KANK1: variants seen among roughly 807,000 people sequenced by gnomAD.
The protein encoded by KANK1 is KN motif and ankyrin repeat domains 1.
A neutral mutation model predicts 106.2 loss-of-function variants in KANK1; 109 were observed. The observed-to-expected ratio is 1.03, with a 90% CI of 0.88 to 1.20. The LOEUF (loss-of-function observed/expected upper bound fraction) is 1.20. Among genes scored for constraint, KANK1 ranks in the 50% most tolerant of loss-of-function variants. The pLI is 0.00. For synonymous variants in KANK1, 873 were observed against 652.2 expected (o/e 1.34, Z -5.16); for missense variants, 2,399 against 1,710.7 (o/e 1.40, Z -7.10).
intron 1 of KANK1, among the ~76,000 whole-genome samples, chr9:556,456 A>G (rs1045726566): frequency 2.6e-5 from 4 of 152,336 alleles, no homozygotes; most frequent in African/African-American, 9.6e-5. Flanking sequence ...TCATGGAGTT[A>G]GCCATGATCA....
rs917174389 is a variant in KANK1, at chr9:740,927, C to G, written c.3689C>G (p.Ala1230Gly). The G allele has an allele frequency of 3.1e-6, 5 of 1,614,050 alleles. No homozygotes were observed. In the Admixed American group the frequency reaches 8.3e-5, roughly 27 times the overall value. The stretch of plus-strand genomic sequence containing the variant: ...GGCTGTGGGGATGTGAATGCCAAAG[C>G]TAGTCAGGTTAGTGCGCCTGGTTCC... The part of the protein sequence containing the change: ...LFGCGDVNAK[A>G]SQAGQTALML... Residue 1230 changes from alanine (A) to glycine (G), a missense_variant, in exon 9 of 12, where the codon GCT (alanine) becomes GGT (glycine). Coordinates refer to ENST00000382297, the MANE Select transcript of KANK1 (RefSeq NM_015158.5).
At chr9:739,720 A>C (rs528796805) in intron 8 of KANK1, among the ~76,000 whole-genome samples, 2 of 152,300 alleles carry the variant, frequency 1.3e-5, no homozygotes, top group South Asian at 4.2e-4. Context: ...TGGCAAATTA[A>C]ATAATTTTAA....
At chr9:574,744 A>C (rs978037822) in intron 1 of KANK1, among the ~76,000 whole-genome samples, 1 of 151,350 alleles carries the variant, frequency 6.6e-6, no homozygotes, top group Admixed American at 6.6e-5. Context: ...GGTCCCAGCT[A>C]CTTGGGAGGT....
intron 1 of KANK1, among the ~76,000 whole-genome samples, chr9:622,658 C>G (rs978266701): frequency 4.6e-5 from 7 of 152,042 alleles, no homozygotes; most frequent in African/African-American, 1.2e-4. Flanking sequence ...AATCCCAGCA[C>G]TTTGGGAGGC....
At chr9:545,335 A>G (rs893796057) in intron 1 of KANK1, among the ~76,000 whole-genome samples, 1 of 152,214 alleles carries the variant, frequency 6.6e-6, no homozygotes, top group Non-Finnish European at 1.5e-5. Flanking sequence ...TCTACAGATC[A>G]TTGAAGGGGA....
At chr9:542,472 C>T (rs1471862254) in intron 1 of KANK1, among the ~76,000 whole-genome samples, 2 of 152,188 alleles carry the variant, frequency 1.3e-5, no homozygotes, top group African/African-American at 2.4e-5. Context: ...AATGTTAGTA[C>T]AACCAATATG....
chr9:538,117 G>C (rs1015866412), intron 1 of KANK1, among the ~76,000 whole-genome samples: 2 of 151,944 alleles, frequency 1.3e-5, no homozygotes, highest in African/African-American at 4.8e-5. Context: ...GAATCAACAT[G>C]GTTGGGAGAG....
chr9:501,555 G>C (rs1412201255), upstream of KANK1, among the ~76,000 whole-genome samples: 1 of 151,618 alleles, frequency 6.6e-6, no homozygotes, highest in Non-Finnish European at 1.5e-5. Context: ...ATTCCAAGAA[G>C]CCCAGCTAAA....
chr9:550,613 A>C (rs1449304454), intron 1 of KANK1, among the ~76,000 whole-genome samples: 1 of 152,156 alleles, frequency 6.6e-6, no homozygotes, highest in Non-Finnish European at 1.5e-5. Context: ...TCTCTAATAA[A>C]ACAAAAACAT....
intron 2 of KANK1, among the ~76,000 whole-genome samples, chr9:691,404 G>GTA (rs1212322163): frequency 0.013 from 1,901 of 149,648 alleles, 46 homozygotes; most frequent in African/African-American, 0.044. Flanking sequence ...GTGTGTGTGT[G>GTA]TATATATATA....
At chr9:610,736 T>G (rs1451781788) in intron 1 of KANK1, among the ~76,000 whole-genome samples, 11 of 152,146 alleles carry the variant, frequency 7.2e-5, no homozygotes, top group African/African-American at 2.7e-4. Context: ...CTTGGAAAGC[T>G]CGGAGGGTTA....
At chr9:684,439 G>T in intron 2 of KANK1, 1 of 985,416 alleles carries the variant, frequency 1.0e-6, no homozygotes, top group Non-Finnish European at 1.2e-6. Context: ...ACCCAACAGG[G>T]AGATTCGCTG....
At chr9:543,402 A>G (rs9408627) in intron 1 of KANK1, among the ~76,000 whole-genome samples, 46 of 150,430 alleles carry the variant, frequency 3.1e-4, no homozygotes, top group African/African-American at 1.1e-3. Context: ...TTAAAACTAC[A>G]AAAAAAAATA....
intron 1 of KANK1, among the ~76,000 whole-genome samples, chr9:524,044 TA>T (rs1742101164): frequency 6.6e-6 from 1 of 151,740 alleles, no homozygotes; most frequent in Non-Finnish European, 1.5e-5. Context: ...AAGGATTTAC[TA>T]TGCTGTTCAG....
At chr9:584,910 C>T (rs185512753) in intron 1 of KANK1, among the ~76,000 whole-genome samples, 5 of 152,298 alleles carry the variant, frequency 3.3e-5, no homozygotes, top group African/African-American at 1.2e-4. Context: ...TGCTTGTTTC[C>T]GTTTGCCTTC....
intron 3 of KANK1, among the ~76,000 whole-genome samples, chr9:490,101 G>C (rs2058353637): frequency 6.6e-6 from 1 of 152,214 alleles, no homozygotes; most frequent in Non-Finnish European, 1.5e-5. Context: ...TTGGCCAGCG[G>C]AAATACTTCA....
chr9:533,516 A>G (rs2060158653), intron 1 of KANK1, among the ~76,000 whole-genome samples: 1 of 152,196 alleles, frequency 6.6e-6, no homozygotes, highest in African/African-American at 2.4e-5. Context: ...AAAATTGTTT[A>G]TATATTTTAC....
At chr9:576,391 A>T (rs1295784978) in intron 1 of KANK1, among the ~76,000 whole-genome samples, 1 of 152,200 alleles carries the variant, frequency 6.6e-6, no homozygotes, top group African/African-American at 2.4e-5. Flanking sequence ...TAATATACAG[A>T]TAGGTAAGAA....
chr9:532,663 G>A (rs1361299942), intron 1 of KANK1, among the ~76,000 whole-genome samples: 2 of 152,084 alleles, frequency 1.3e-5, no homozygotes, highest in Non-Finnish European at 1.5e-5. Flanking sequence ...CAAGCTACTT[G>A]GCGTGAGCAT....
Sources: gnomAD v4.1 joint callset for allele counts (sites outside exome capture counted in the v4.1 genomes callset) on GRCh38, gnomAD v4.1.1 for gene constraint, MANE v1.5 for transcripts, NCBI Gene and HGNC (gene_info 2026-07-23, HGNC 2026-07-21) for gene names.